TMEM132B: variants seen among roughly 807,000 people sequenced by gnomAD.
The protein encoded by TMEM132B is transmembrane protein 132B.
TMEM132B carries 18 observed loss-of-function variants against 90.8 expected under a neutral mutation model. The observed-to-expected ratio is 0.20, with a 90% confidence interval of 0.14 to 0.29. The LOEUF (loss-of-function observed/expected upper bound fraction) is 0.29. Among genes scored for constraint, TMEM132B ranks in the 10% least tolerant of loss-of-function variants. TMEM132B has a pLI of 1.00. For synonymous variants in TMEM132B, 504 were observed against 523.3 expected (o/e 0.96, Z 0.50); for missense variants, 1,096 against 1,326.8 (o/e 0.83, Z 2.70).
In TMEM132B at chr12:125,415,761, T is replaced by G; in HGVS notation, c.1106+84T>G. 6.6e-7 allele frequency: 1 copy of G among 1,515,238 alleles called. No homozygotes were observed. Among genetic ancestry groups the G allele is most frequent in the Non-Finnish European group, 8.9e-7 (1 of 1,127,840 alleles). The allele number at this position is 1,515,238 out of a possible 1,614,324, so 93.9% of individuals were successfully genotyped here. A position where few individuals can be genotyped will look rare whatever the true frequency, so the allele number is the denominator to read the frequency against. On this transcript the variant is annotated intron_variant, in intron 3 of 8. Coordinates refer to ENST00000682704, the MANE Select transcript of TMEM132B (RefSeq NM_001366854.1). The surrounding 1 kb of genome is among the most constrained non-coding windows in gnomAD (Gnocchi z 5.3). ...AGCTGATAGCAAAATAATGTGCGTG[T>G]GGATAAAGCGATGCCTCTGCGTTTA...
intron 1 of TMEM132B, among the ~76,000 whole-genome samples, chr12:125,263,757 C>A (rs1424582934): frequency 6.6e-6 from 1 of 152,086 alleles, no homozygotes; most frequent in Non-Finnish European, 1.5e-5. Flanking sequence ...CAAGAGGTGG[C>A]CTGGGAGATG....
chr12:125,188,218 A>G (rs1004387071), intron 1 of TMEM132B, among the ~76,000 whole-genome samples: 5 of 152,182 alleles, frequency 3.3e-5, no homozygotes, highest in Non-Finnish European at 7.3e-5. Flanking sequence ...AGCCTAGAGA[A>G]TGGCATTGGG....
intron 2 of TMEM132B, among the ~76,000 whole-genome samples, chr12:125,402,306 C>T (rs1879343546): frequency 6.6e-6 from 1 of 152,218 alleles, no homozygotes; most frequent in Non-Finnish European, 1.5e-5. Context: ...TCTCCTGCCT[C>T]AGCCTCTGGA....
In TMEM132B at chr12:125,415,710, G is replaced by A; in HGVS notation, c.1106+33G>A. On this transcript the variant is annotated intron_variant, in intron 3 of 8. Transcript: ENST00000682704. This position sits in a 1 kb window ranked among gnomAD's most constrained non-coding sequence, Gnocchi z 5.3. ...TGGAGATCCCCAAGGCACCTCCGCA[G>A]TGGGGAGGAGGGGAGTGGCTGCCAG... 1 of 1,610,650 alleles carries A rather than the reference G, an allele frequency of 6.2e-7. No individual in the cohort carries two copies. Among genetic ancestry groups the A allele is most frequent in the Non-Finnish European group, 8.5e-7 (1 of 1,177,978 alleles).
At chr12:125,416,430 C>A (rs1473041984) in intron 3 of TMEM132B, among the ~76,000 whole-genome samples, 5 of 152,268 alleles carry the variant, frequency 3.3e-5, no homozygotes, top group African/African-American at 1.2e-4. Context: ...GACTCCTCAG[C>A]TGAGCACACG....
At chr12:125,291,518 G>A (rs1252302731) in intron 1 of TMEM132B, among the ~76,000 whole-genome samples, 1 of 152,190 alleles carries the variant, frequency 6.6e-6, no homozygotes, top group Non-Finnish European at 1.5e-5. Context: ...TGTGGCTGGT[G>A]TCTAAGAGCT....
chr12:125,349,865 C>G lies in TMEM132B; in HGVS notation c.481C>G (p.Leu161Val). 6.2e-7 allele frequency: 1 copy of G among 1,614,218 alleles called. No homozygotes were observed. Among genetic ancestry groups the G allele is most frequent in the Non-Finnish European group, 8.5e-7 (1 of 1,180,048 alleles). ...GGATGACAGTGACCTTACGGAAGAT[C>G]TACCCTGTGTCAAGATGTTTGCTTT... ...GWDDSDLTED[L>V]PCVKMFAFPE... Residue 161 changes from leucine to valine, a missense_variant, in exon 2 of 9, where the codon CTA (leucine) becomes GTA (valine). By Grantham distance (32) the Leu-to-Val change is conservative (BLOSUM62 1). Transcript: ENST00000682704. This position sits in a 1 kb window ranked among gnomAD's most constrained non-coding sequence, Gnocchi z 4.1.
chr12:125,606,524 C>T (rs184384273), intron 5 of TMEM132B, among the ~76,000 whole-genome samples: 108 of 152,326 alleles, frequency 7.1e-4, no homozygotes, highest in Middle Eastern at 3.4e-3. Context: ...TGTGCCAGCA[C>T]ATGTGAGTGT....
intron 1 of TMEM132B, among the ~76,000 whole-genome samples, chr12:125,340,569 T>A (rs1446772182): frequency 6.6e-6 from 1 of 152,220 alleles, no homozygotes; most frequent in Non-Finnish European, 1.5e-5. Flanking sequence ...TTCTCTGTTG[T>A]ATTTCAAATT....
At chr12:125,463,385 T>G (rs1320764470) in intron 3 of TMEM132B, among the ~76,000 whole-genome samples, 2 of 152,192 alleles carry the variant, frequency 1.3e-5, no homozygotes, top group African/African-American at 4.8e-5. Context: ...CATTTCAGAG[T>G]AGAATTTCTT....
At chr12:125,451,923 C>T (rs560902652) in intron 3 of TMEM132B, among the ~76,000 whole-genome samples, 1 of 152,192 alleles carries the variant, frequency 6.6e-6, no homozygotes, top group East Asian at 1.9e-4. Flanking sequence ...ACTCTTATTC[C>T]CATGGTGTGG....
intron 3 of TMEM132B, among the ~76,000 whole-genome samples, chr12:125,452,996 C>CT (rs1480117085): frequency 6.6e-6 from 1 of 151,852 alleles, no homozygotes; most frequent in Admixed American, 6.6e-5. Context: ...TGGCTTTGCA[C>CT]TTTATCTCTT....
intron 1 of TMEM132B, among the ~76,000 whole-genome samples, chr12:125,346,702 C>T (rs2136228470): frequency 6.6e-6 from 1 of 152,354 alleles, no homozygotes; most frequent in East Asian, 1.9e-4. Context: ...AAAATCATTT[C>T]TCCCTCCTCT....
intron 2 of TMEM132B, among the ~76,000 whole-genome samples, chr12:125,364,202 G>C (rs887939957): frequency 1.3e-5 from 2 of 152,120 alleles, no homozygotes; most frequent in Non-Finnish European, 2.9e-5. Context: ...AACTGTATCT[G>C]CATGTTTTAT....
At chr12:125,494,378 A>C (rs1423811824) in intron 3 of TMEM132B, among the ~76,000 whole-genome samples, 5 of 56,438 alleles carry the variant, frequency 8.9e-5, no homozygotes, top group South Asian at 7.2e-4. Context: ...GGAAATGGGC[A>C]CCTCCCTCCT....
At chr12:125,200,909 T>A (rs1235605530) in intron 1 of TMEM132B, among the ~76,000 whole-genome samples, 2 of 152,216 alleles carry the variant, frequency 1.3e-5, no homozygotes, top group Non-Finnish European at 2.9e-5. Context: ...CCAGCCCATC[T>A]ACTCATGGCA....
At chr12:125,451,943 G>A (rs11058177) in intron 3 of TMEM132B, among the ~76,000 whole-genome samples, 3 of 151,906 alleles carry the variant, frequency 2.0e-5, no homozygotes, top group Admixed American at 6.6e-5. Flanking sequence ...GTTCTTTGGG[G>A]TTCCCAAACA....
intron 3 of TMEM132B, among the ~76,000 whole-genome samples, chr12:125,436,647 A>T (rs1880714002): frequency 6.6e-6 from 1 of 152,224 alleles, no homozygotes; most frequent in African/African-American, 2.4e-5. Context: ...CACAGCTCTC[A>T]GAATGGGGAG....
intron 2 of TMEM132B, among the ~76,000 whole-genome samples, chr12:125,392,813 A>G (rs1030615988): frequency 3.3e-5 from 5 of 152,236 alleles, no homozygotes; most frequent in African/African-American, 9.6e-5. Context: ...GCAGGCTTGC[A>G]TGAGGAACAC....
Sources: allele counts gnomAD v4.1 joint callset (sites outside exome capture counted in the v4.1 genomes callset), GRCh38; gene constraint gnomAD v4.1.1; non-coding constraint Gnocchi (gnomAD v3.1); transcripts MANE v1.5; gene names NCBI Gene and HGNC (gene_info 2026-07-23, HGNC 2026-07-21).